Variants in WWOX observed in about 807,000 individuals in gnomAD.
WWOX encodes the protein WW domain-containing oxidoreductase.
A neutral mutation model predicts 46.2 loss-of-function variants in WWOX; 69 were observed. That is an observed-to-expected ratio of 1.49 (90% CI 1.23 to 1.82). The LOEUF (loss-of-function observed/expected upper bound fraction) is 1.82, where lower values mean the gene tolerates loss of function less well. Among genes scored for constraint, WWOX ranks in the 40% most tolerant of loss-of-function variants. WWOX has a pLI of 0.00. For missense variants in WWOX, 919 were observed against 542.6 expected, an observed-to-expected ratio of 1.69 and a Z score of -6.89; for synonymous variants, 359 against 202.6, an observed-to-expected ratio of 1.77 and a Z score of -6.56.
At chr16:79,017,613 T>C (rs1245414400) in intron 8 of WWOX, among the ~76,000 whole-genome samples, 1 of 152,074 alleles carries the variant, frequency 6.6e-6, no homozygotes, top group Non-Finnish European at 1.5e-5. Flanking sequence ...CATGGACAAT[T>C]CATAAATTAA....
intron 8 of WWOX, among the ~76,000 whole-genome samples, chr16:78,674,107 A>T (rs2047531099): frequency 6.6e-6 from 1 of 152,050 alleles, no homozygotes; most frequent in South Asian, 2.1e-4. Context: ...TAAGTGATTG[A>T]TTTATAATTG....
intron 6 of WWOX, among the ~76,000 whole-genome samples, chr16:78,404,960 T>G (rs1023155600): frequency 1.2e-4 from 18 of 152,304 alleles, no homozygotes; most frequent in Admixed American, 2.0e-4. Flanking sequence ...GGGGCACAAT[T>G]ATCAAATGGA....
intron 5 of WWOX, among the ~76,000 whole-genome samples, chr16:78,185,249 C>G (rs2035662388): frequency 6.6e-6 from 1 of 152,064 alleles, no homozygotes; most frequent in Non-Finnish European, 1.5e-5. Flanking sequence ...CATGTCAAGC[C>G]TTTTTGCTGT....
intron 8 of WWOX, among the ~76,000 whole-genome samples, chr16:79,038,907 A>C (rs2047919294): frequency 6.6e-6 from 1 of 152,228 alleles, no homozygotes; most frequent in Non-Finnish European, 1.5e-5. Context: ...AAGCATACAT[A>C]GAGGATAACT....
At chr16:78,282,985 T>G (rs1254324735) in intron 5 of WWOX, among the ~76,000 whole-genome samples, 1 of 151,662 alleles carries the variant, frequency 6.6e-6, no homozygotes, top group East Asian at 1.9e-4. Flanking sequence ...GAGGGTGAAT[T>G]GTACAGCAGA....
In WWOX at chr16:79,040,225, G is replaced by A. The variant is rs573057423; in HGVS notation, c.1057-171383G>A. ...ACCTCCAAGTTCTTTGAACCTCAAA[G>A]AGCCAAGTCCCACATCTCAGGTACA... is the stretch of plus-strand genomic sequence containing the variant. On this transcript the variant is annotated intron_variant, in intron 8 of 8. Transcript: ENST00000566780. 1.8e-4 allele frequency among the ~76,000 whole-genome samples: 28 copies of A among 151,564 alleles called. No homozygotes were observed. The South Asian group carries it at 3.3e-3, about 18-fold the overall frequency.
chr16:78,616,388 A>G (rs550055607), intron 8 of WWOX, among the ~76,000 whole-genome samples: 2 of 152,174 alleles, frequency 1.3e-5, no homozygotes, highest in East Asian at 3.9e-4. Flanking sequence ...GTGTCCGGTG[A>G]GGATTTGTTT....
chr16:78,639,398 C>T (rs2046650139), intron 8 of WWOX, among the ~76,000 whole-genome samples: 1 of 152,134 alleles, frequency 6.6e-6, no homozygotes, highest in Non-Finnish European at 1.5e-5. Context: ...CAGAATTATT[C>T]TCTCACTTTG....
intron 8 of WWOX, 128 bp from the exon 9 acceptor site, chr16:79,211,480 C>T: frequency 4.1e-6 from 5 of 1,209,338 alleles, no homozygotes; most frequent in Admixed American, 1.9e-5. Context: ...GTACCCTTTG[C>T]TATGCCAAGA....
At chr16:79,015,803 G>A (rs1028088628) in intron 8 of WWOX, among the ~76,000 whole-genome samples, 1 of 152,306 alleles carries the variant, frequency 6.6e-6, no homozygotes, top group African/African-American at 2.4e-5. Context: ...CCAAGGTGGA[G>A]TGCAGCGGTG....
chr16:78,921,540 A>G (rs965895519), intron 8 of WWOX, among the ~76,000 whole-genome samples: 1 of 152,226 alleles, frequency 6.6e-6, no homozygotes, highest in African/African-American at 2.4e-5. Flanking sequence ...CAAGTCTCAT[A>G]ATAAAGATGT....
At chr16:79,141,496 C>T (rs566302311) in intron 8 of WWOX, among the ~76,000 whole-genome samples, 48 of 152,350 alleles carry the variant, frequency 3.2e-4, no homozygotes, top group African/African-American at 1.2e-3. Flanking sequence ...TCAACATGAA[C>T]TGTCAGTGGT....
At chr16:78,176,566 G>A (rs2035354334) in intron 5 of WWOX, among the ~76,000 whole-genome samples, 1 of 152,190 alleles carries the variant, frequency 6.6e-6, no homozygotes, top group Admixed American at 6.5e-5. Flanking sequence ...CTTTGTAATG[G>A]CTTTGTTGTT....
intron 6 of WWOX, among the ~76,000 whole-genome samples, chr16:78,416,413 C>T (rs576175807): frequency 2.2e-4 from 34 of 152,276 alleles, no homozygotes; most frequent in African/African-American, 7.7e-4. Context: ...ATTCCACAAG[C>T]CTGTTTTTAA....
At chr16:78,518,004 G>T (rs183958483) in intron 8 of WWOX, among the ~76,000 whole-genome samples, 2 of 151,672 alleles carry the variant, frequency 1.3e-5, no homozygotes, top group Non-Finnish European at 2.9e-5. Context: ...ACAGTCCTTG[G>T]TTTGTATTCC....
chr16:78,776,760 C>T (rs187150357), intron 8 of WWOX, among the ~76,000 whole-genome samples: 5 of 152,248 alleles, frequency 3.3e-5, no homozygotes, highest in Admixed American at 3.3e-4. Flanking sequence ...GTGCACCTTA[C>T]ATGGCGGCAG....
intron 8 of WWOX, among the ~76,000 whole-genome samples, chr16:79,107,886 AAGTG>A (rs2049341987): frequency 6.6e-6 from 1 of 152,218 alleles, no homozygotes; most frequent in African/African-American, 2.4e-5. Flanking sequence ...TTATAGGATG[AAGTG>A]TCATAACTGG....
intron 8 of WWOX, among the ~76,000 whole-genome samples, chr16:78,862,406 A>C (rs2043909870): frequency 6.6e-6 from 1 of 151,598 alleles, no homozygotes; most frequent in African/African-American, 2.4e-5. Context: ...TAGTGTATGT[A>C]CTATACACTG....
intron 5 of WWOX, among the ~76,000 whole-genome samples, chr16:78,305,923 A>G (rs2151870404): frequency 6.6e-6 from 1 of 151,424 alleles, no homozygotes; most frequent in African/African-American, 2.4e-5. Context: ...TTCTTTTTTG[A>G]GTGAAGTGGT....
Sources: allele counts gnomAD v4.1 joint callset (sites outside exome capture counted in the v4.1 genomes callset), GRCh38; gene constraint gnomAD v4.1.1; transcripts MANE v1.5; gene names NCBI Gene and HGNC (gene_info 2026-07-23, HGNC 2026-07-21).